Variants in CDHR1 observed in about 807,000 individuals in gnomAD.
CDHR1 encodes cadherin related family member 1.
A neutral mutation model predicts 72.1 loss-of-function variants in CDHR1; 61 were observed. The ratio of observed to expected loss-of-function variants is 0.85; its 90% CI spans 0.69 to 1.05. The LOEUF is 1.05. Among genes scored for constraint, CDHR1 ranks in the 50% least tolerant of loss-of-function variants. The probability of loss-of-function intolerance (pLI) is 0.00; values close to 1 mark genes in which losing one functional copy is unlikely to be tolerated. For missense variants in CDHR1, 1,186 were observed against 1,115.7 expected (o/e 1.06, Z -0.90); for synonymous variants, 470 against 448.1 (o/e 1.05, Z -0.62).
chr10:84,195,929 A>G (rs899909871), intron 2 of CDHR1, among the ~76,000 whole-genome samples: 1 of 152,212 alleles, frequency 6.6e-6, no homozygotes, highest in East Asian at 1.9e-4. Flanking sequence ...AGAACATCCA[A>G]CTTGCTGAGA....
At chr10:84,213,850 A>G (rs954064165) in intron 16 of CDHR1, among the ~76,000 whole-genome samples, 3 of 152,190 alleles carry the variant, frequency 2.0e-5, no homozygotes, top group South Asian at 2.1e-4. Flanking sequence ...TGTACCAGAG[A>G]GTGGTCTGCA....
In CDHR1 at chr10:84,217,204, C is replaced by T. The variant is rs1319843647; in HGVS notation, c.*2583C>T. 7.1e-6 allele frequency: 7 copies of T among 985,424 alleles called. No individual in the cohort carries two copies. Among genetic ancestry groups the T allele is most frequent in the South Asian group, 9.4e-5 (2 of 21,294 alleles). 61.0% of individuals were successfully genotyped at this position (985,424 alleles called of 1,614,324 possible). A position where few individuals can be genotyped will look rare whatever the true frequency, so the allele number is the denominator to read the frequency against. ...TACGAATGGTGGGCCAAGGGGCTGT[C>T]TGCTAGGTCCCAGTAGGACAGGCAG... On this transcript the variant is annotated 3_prime_UTR_variant, in exon 17 of 17. Coordinates refer to ENST00000623527, the MANE Select transcript of CDHR1 (RefSeq NM_033100.4).
At chr10:84,208,481 A>AG in intron 11 of CDHR1, 104 bp downstream of exon 11, 1 of 1,274,070 alleles carries the variant, frequency 7.8e-7, no homozygotes, top group Non-Finnish European at 1.1e-6. Context: ...TGTAGCCGGG[A>AG]CCAGGTGGGC....
chr10:84,211,154 G>T lies in CDHR1; in HGVS notation c.1474G>T (p.Val492Leu), dbSNP rs141797175. Residue 492 changes from valine to leucine, a missense_variant, in exon 13 of 17, where the codon GTG becomes TTG. Val to Leu is a conservative substitution (Grantham distance 32). Transcript: ENST00000623527. ...PENAPGGSSV[V>L]AVTAVDPDTG... The stretch of plus-strand genomic sequence containing the variant: ...GAACGCCCCAGGGGGCTCCAGCGTG[G>T]TGGCTGTCACAGTGGGTTGGGCACT... The T allele has an allele frequency of 3.1e-6, 5 of 1,614,234 alleles. No homozygotes were observed. Among genetic ancestry groups the T allele is most frequent in the Non-Finnish European group, 4.2e-6 (5 of 1,180,038 alleles).
At chr10:84,201,103 G>A (rs370920942) in intron 6 of CDHR1, among the ~76,000 whole-genome samples, 18 of 152,282 alleles carry the variant, frequency 1.2e-4, no homozygotes, top group African/African-American at 4.1e-4. Context: ...CACGGGTGCT[G>A]GAGAAACCCC....
intron 10 of CDHR1, among the ~76,000 whole-genome samples, chr10:84,207,806 G>T (rs144131389): frequency 2.0e-4 from 30 of 152,278 alleles, no homozygotes; most frequent in South Asian, 4.2e-4. Flanking sequence ...GCTTGACTGG[G>T]AAAGGGTTGG....
In CDHR1 at chr10:84,214,462, C is replaced by A. The variant is rs2132837898; in HGVS notation, c.2421C>A (p.Ala807=). The A allele has an allele frequency of 6.2e-7, 1 of 1,611,472 alleles. No individual in the cohort carries two copies. Among genetic ancestry groups the A allele is most frequent in the Admixed American group, 1.7e-5 (1 of 59,986 alleles). Residue 807 remains alanine, a synonymous_variant, in exon 17 of 17, where the codon GCC becomes GCA. Coordinates refer to ENST00000623527, the MANE Select transcript of CDHR1 (RefSeq NM_033100.4). The part of the protein sequence containing the change: ...PPSVAPSTGA[A]QWTVPTVSGS... ...GCGTGGCGCCCAGCACTGGCGCAGC[C>A]CAGTGGACCGTGCCTACTGTCTCTG... is the stretch of plus-strand genomic sequence containing the variant.
chr10:84,201,684 G>A (rs1405019876), intron 6 of CDHR1, 123 bp from the exon 7 acceptor site: 3 of 767,712 alleles, frequency 3.9e-6, no homozygotes, highest in African/African-American at 3.4e-5. Flanking sequence ...CTCTGAAGTA[G>A]GAACCTCAGC....
chr10:84,214,223 A>C lies in CDHR1; in HGVS notation c.2182A>C (p.Lys728Gln), dbSNP rs1332409155. The change falls in exon 17 of 17, where the codon AAG becomes CAG. Residue 728 changes from lysine (K) to glutamine (Q), a missense_variant. Lys to Gln is a moderately conservative substitution (Grantham distance 53). Transcript: ENST00000623527. ...CTCCACCGCCACCTTCTGGCGCAAC[A>C]AGAAGTCTAACAAGGTCCTGCCAAT... is the stretch of plus-strand genomic sequence containing the variant. ...LISTATFWRN[K>Q]KSNKVLPMRR... The C allele has an allele frequency of 1.2e-6, 2 of 1,613,994 alleles. No homozygotes were observed. Among genetic ancestry groups the C allele is most frequent in the African/African-American group, 2.7e-5 (2 of 74,898 alleles).
chr10:84,212,226 C>T lies in CDHR1; in HGVS notation c.1601C>T (p.Ala534Val). The change falls in exon 15 of 17, where the codon GCT (alanine) becomes GTT (valine). Residue 534 changes from alanine (A) to valine (V), a missense_variant. Ala to Val is a moderately conservative substitution (Grantham distance 64). Coordinates refer to ENST00000623527, the MANE Select transcript of CDHR1 (RefSeq NM_033100.4). The stretch of plus-strand genomic sequence containing the variant: ...GGGCTTATCTACACCCAGCCCTGGG[C>T]TAGCCTGGACGCTGAGGCCACTGCC... Reference protein sequence around the residue: ...STGLIYTQPWASLDAEATARY... With the variant: ...STGLIYTQPWVSLDAEATARY... 1 of 1,614,276 alleles carries T rather than the reference C, an allele frequency of 6.2e-7. No individual in the cohort carries two copies. The highest frequency in any genetic ancestry group is 1.1e-5 in the South Asian group (1 of 91,090).
In CDHR1 at chr10:84,218,337, G is replaced by T. The variant is rs569255381; in HGVS notation, c.*3716G>T. On this transcript the variant is annotated 3_prime_UTR_variant, in exon 17 of 17. Transcript: ENST00000623527. ...GCAACAGGCTGATGTTGGGGACATC[G>T]GTTTGATGTTATAAAATCGTGCACA... The T allele has an allele frequency of 4.1e-6, 4 of 985,384 alleles. No individual in the cohort carries two copies. The highest frequency in any genetic ancestry group is 1.0e-3 in the Middle Eastern group (2 of 1,914). 61.0% of individuals were successfully genotyped at this position (985,384 alleles called of 1,614,324 possible).
chr10:84,205,513 T>TAC (rs1261823373), intron 9 of CDHR1, among the ~76,000 whole-genome samples: 98 of 73,572 alleles, frequency 1.3e-3, no homozygotes, highest in Non-Finnish European at 1.7e-3. Flanking sequence ...TTCTCTTTTC[T>TAC]TCACACACAC....
Position 84,216,202 on chromosome 10 carries a change from C to T in CDHR1, c.*1581C>T, listed in dbSNP as rs1170529930. On this transcript the variant is annotated 3_prime_UTR_variant, in exon 17 of 17. Coordinates refer to ENST00000623527, the MANE Select transcript of CDHR1 (RefSeq NM_033100.4). ...ACTTACTAACAACCCCTCTAGAATA[C>T]ATTGGTGATTTCATTTAAAGAGATT... The T allele has an allele frequency of 4.1e-6, 4 of 985,310 alleles. No individual in the cohort carries two copies. Among genetic ancestry groups the T allele is most frequent in the Non-Finnish European group, 3.6e-6 (3 of 829,930 alleles). The allele number at this position is 985,310 out of a possible 1,614,324, so 61.0% of individuals were successfully genotyped here. A position where few individuals can be genotyped will look rare whatever the true frequency, so the allele number is the denominator to read the frequency against.
intron 3 of CDHR1, among the ~76,000 whole-genome samples, 199 bp from the exon 4 acceptor site, chr10:84,197,587 T>A (rs1037248878): frequency 2.0e-5 from 3 of 151,818 alleles, no homozygotes; most frequent in Non-Finnish European, 2.9e-5. Context: ...AGTCCCAAAA[T>A]AAGGTCTCAA....
chr10:84,211,415 T>A (rs1406722229), intron 13 of CDHR1, among the ~76,000 whole-genome samples: 1 of 152,146 alleles, frequency 6.6e-6, no homozygotes, highest in Non-Finnish European at 1.5e-5. Context: ...CTCTTCCTCA[T>A]TTATAAAGGA....
intron 16 of CDHR1, 25 bp from the exon 17 acceptor site, chr10:84,214,057 T>A (rs544509157): frequency 8.7e-6 from 14 of 1,614,058 alleles, no homozygotes; most frequent in South Asian, 5.5e-5. Flanking sequence ...AACAGCTGAG[T>A]GCAGGGAGTG....
intron 5 of CDHR1, 109 bp from the exon 6 acceptor site, chr10:84,200,491 CT>C: frequency 1.3e-6 from 1 of 760,086 alleles, no homozygotes; most frequent in African/African-American, 1.7e-5. Flanking sequence ...TTGTTCACCT[CT>C]TTTTGACACT....
In CDHR1 at chr10:84,205,887, C is replaced by T. The variant is rs772469430; in HGVS notation, c.923C>T (p.Pro308Leu). 6 of 1,613,952 alleles carry T rather than the reference C, an allele frequency of 3.7e-6. No homozygotes were observed. Among genetic ancestry groups the T allele is most frequent in the East Asian group, 2.2e-5 (1 of 44,892 alleles). Residue 308 changes from proline to leucine, a missense_variant, in exon 10 of 17, where the codon CCG becomes CTG. Physicochemically the swap from Pro to Leu is moderately conservative, Grantham distance 98. Coordinates refer to ENST00000623527, the MANE Select transcript of CDHR1 (RefSeq NM_033100.4). ...TSGAISITQS[P>L]AQLQREVYEL... Reference sequence around the variant, plus strand: ...GGAGCCATCTCCATCACTCAGAGCCCGGCCCAGCTCCAGAGAGAGGTGTAT... The same window carrying T: ...GGAGCCATCTCCATCACTCAGAGCCTGGCCCAGCTCCAGAGAGAGGTGTAT...
downstream of CDHR1, chr10:84,219,350 C>A: frequency 4.6e-6 from 7 of 1,528,802 alleles, no homozygotes; most frequent in South Asian, 4.9e-5. Context: ...ACAGAAGCAA[C>A]TGAATACTTC....
Sources: allele counts gnomAD v4.1 joint callset (sites outside exome capture counted in the v4.1 genomes callset), GRCh38; gene constraint gnomAD v4.1.1; transcripts MANE v1.5; gene names NCBI Gene and HGNC (gene_info 2026-07-23, HGNC 2026-07-21).